The following PFKFB3 variants were observed in gnomAD, a reference collection of about 807,000 sequenced individuals.
PFKFB3 encodes the protein 6-phosphofructo-2-kinase/fructose-2,6-bisphosphatase 3.
PFKFB3 carries 33 observed loss-of-function variants against 68.0 expected under a neutral mutation model. The ratio of observed to expected loss-of-function variants is 0.49; its 90% CI spans 0.37 to 0.65. The LOEUF is 0.65. Ranked by LOEUF, PFKFB3 falls within the 30% of genes least tolerant of loss-of-function variation. The probability of loss-of-function intolerance (pLI) is 0.00; values close to 1 mark genes in which losing one functional copy is unlikely to be tolerated. For synonymous variants in PFKFB3, 315 were observed against 288.2 expected (o/e 1.09, Z -0.94); for missense variants, 586 against 712.2 (o/e 0.82, Z 2.02).
upstream of PFKFB3, chr10:6,202,827 G>T (rs1843418952): frequency 1.0e-6 from 1 of 967,508 alleles, no homozygotes; most frequent in Non-Finnish European, 1.2e-6. Context: ...TCCTCCCCAC[G>T]TGGAAGGGGG....
At chr10:6,251,118 A>G (rs1328111048) in intron 14 of PFKFB3, among the ~76,000 whole-genome samples, 1 of 152,258 alleles carries the variant, frequency 6.6e-6, no homozygotes, top group Non-Finnish European at 1.5e-5. Flanking sequence ...AAAACCCAAA[A>G]TATATTTTCC....
chr10:6,220,088 TTTAC>T lies in PFKFB3; in HGVS notation c.623+406_623+409del, dbSNP rs201147546. ...TTCTTTCCATTTATTTATTTATTTA[TTTAC>T]TTACTTACTTGCTTGCCTGCTTGCT... On this transcript the variant is annotated intron_variant, in intron 7 of 14. Transcript: ENST00000379775. The surrounding 1 kb of genome is among the most constrained non-coding windows in gnomAD (Gnocchi z 4.1). Among the ~76,000 whole-genome samples, 4,145 of 152,104 alleles carry T rather than the reference TTTAC, an allele frequency of 0.027. 158 individuals are homozygous for T. Among genetic ancestry groups the T allele is most frequent in the African/African-American group, 0.084 (3,482 of 41,402 alleles).
Position 6,216,206 on chromosome 10 carries a change from T to G in PFKFB3, c.366+15T>G. ...GACAAATTGCGGTAAGTCCAGGCAA[T>G]GTAGCCGGCTCGGTGTCCAGTCCCA... On this transcript the variant is annotated intron_variant, in intron 4 of 14. Coordinates refer to ENST00000379775, the MANE Select transcript of PFKFB3 (RefSeq NM_004566.4). 1 of 1,612,998 alleles carries G rather than the reference T, an allele frequency of 6.2e-7. No individual in the cohort carries two copies. Among genetic ancestry groups the G allele is most frequent in the Non-Finnish European group, 8.5e-7 (1 of 1,179,016 alleles).
the PFKFB3 span, among the ~76,000 whole-genome samples, chr10:6,287,028 C>A: frequency 6.6e-6 from 1 of 152,164 alleles, no homozygotes; most frequent in Non-Finnish European, 1.5e-5. Context: ...AATGATGTTT[C>A]AGTCAATGAT....
At chr10:6,208,917 C>T (rs1403874952) in intron 1 of PFKFB3, among the ~76,000 whole-genome samples, 1 of 152,174 alleles carries the variant, frequency 6.6e-6, no homozygotes, top group Non-Finnish European at 1.5e-5. Context: ...TGTATGTTTG[C>T]CTGCAGGGAA....
rs933076233 is a variant in PFKFB3, at chr10:6,206,978, C to G, written c.76+3642C>G. On this transcript the variant is annotated intron_variant, in intron 1 of 14. Coordinates refer to ENST00000379775, the MANE Select transcript of PFKFB3 (RefSeq NM_004566.4). ...ACTGGGCAGCCAGGCAGAGGGGCTC[C>G]TCACATCCCAGACGATGGGTGGCCA... Among the ~76,000 whole-genome samples the G allele has an allele frequency of 2.0e-5, 3 of 149,172 alleles. 1 individual carries two copies. Among genetic ancestry groups the G allele is most frequent in the Non-Finnish European group, 4.5e-5 (3 of 67,368 alleles).
chr10:6,242,617 T>A (rs1187233217), intron 14 of PFKFB3, among the ~76,000 whole-genome samples: 1 of 151,494 alleles, frequency 6.6e-6, no homozygotes, highest in Non-Finnish European at 1.5e-5. Flanking sequence ...AGACGGAGTC[T>A]CGCTCTGTTG....
the PFKFB3 span, among the ~76,000 whole-genome samples, chr10:6,300,291 TGA>T: frequency 6.6e-6 from 1 of 152,176 alleles, no homozygotes. Flanking sequence ...CTCTTCAAAG[TGA>T]GACTGTGTCT....
At chr10:6,158,337 G>C (rs1033887733) in intron 1 of PFKFB3, among the ~76,000 whole-genome samples, 1 of 152,052 alleles carries the variant, frequency 6.6e-6, no homozygotes, top group African/African-American at 2.4e-5. Flanking sequence ...GTCAGGCAGT[G>C]TGTAACAAAA....
At chr10:6,244,290 C>A (rs1389179376) in intron 14 of PFKFB3, among the ~76,000 whole-genome samples, 1 of 152,182 alleles carries the variant, frequency 6.6e-6, no homozygotes, top group African/African-American at 2.4e-5. Flanking sequence ...CAGGGAAACA[C>A]GAAGTGAAGG....
chr10:6,311,860 T>C, the PFKFB3 span, among the ~76,000 whole-genome samples: 1 of 152,234 alleles, frequency 6.6e-6, no homozygotes, highest in East Asian at 1.9e-4. Flanking sequence ...AGGCATTCCC[T>C]GAGCTGGGAA....
rs531630430 is a variant in PFKFB3 at position 6,228,910 on chromosome 10, C to T, written c.1515+2545C>T. 6.6e-6 allele frequency among the ~76,000 whole-genome samples: 1 copy of T among 152,302 alleles called. No individual in the cohort carries two copies. The highest frequency in any genetic ancestry group is 2.1e-4 in the South Asian group (1 of 4,828). On this transcript the variant is annotated intron_variant, in intron 14 of 14. Transcript: ENST00000379775. This position sits in a 1 kb window ranked among gnomAD's most constrained non-coding sequence, Gnocchi z 4.5. ...GCTCTCTGCAGAGTTTCAGGTTCAG[C>T]CTTAGCTCTGGCAGCCACTGGGTAG...
chr10:6,285,587 T>A, the PFKFB3 span, among the ~76,000 whole-genome samples: 9 of 152,198 alleles, frequency 5.9e-5, no homozygotes, highest in Non-Finnish European at 1.2e-4. Context: ...AGATCTACCC[T>A]CTTATCAGAT....
At chr10:6,244,248 C>T (rs995232944) in intron 14 of PFKFB3, among the ~76,000 whole-genome samples, 2 of 152,184 alleles carry the variant, frequency 1.3e-5, no homozygotes, top group East Asian at 1.9e-4. Context: ...GACATCAACT[C>T]GCTTGTTAGG....
intron 1 of PFKFB3, among the ~76,000 whole-genome samples, chr10:6,206,991 C>T (rs1467577322): frequency 4.1e-5 from 6 of 148,120 alleles, no homozygotes; most frequent in East Asian, 2.0e-4. Context: ...ACATCCCAGA[C>T]GATGGGTGGC....
the PFKFB3 span, among the ~76,000 whole-genome samples, chr10:6,279,087 G>C: frequency 6.6e-6 from 1 of 152,184 alleles, no homozygotes; most frequent in African/African-American, 2.4e-5. Flanking sequence ...ACTATGAATA[G>C]ATCATTGATG....
In PFKFB3 at chr10:6,228,342, G is replaced by A. The variant is rs1269018629; in HGVS notation, c.1515+1977G>A. The stretch of plus-strand genomic sequence containing the variant: ...TTGTGATGTGAGGTCTTCCGTGGGG[G>A]AAGGAGGAGATGGGCGTAGGAGTAG... On this transcript the variant is annotated intron_variant, in intron 14 of 14. Coordinates refer to ENST00000379775, the MANE Select transcript of PFKFB3 (RefSeq NM_004566.4). The surrounding 1 kb of genome is among the most constrained non-coding windows in gnomAD (Gnocchi z 4.5). 2.8e-6 allele frequency: 3 copies of A among 1,056,994 alleles called. No homozygotes were observed. The Admixed American group carries it at 5.3e-5, about 19-fold the overall frequency. The allele number at this position is 1,056,994 out of a possible 1,614,324, so 65.5% of individuals were successfully genotyped here.
rs1263874206 is a variant in PFKFB3 at position 6,234,501 on chromosome 10, A to C, written c.*1559A>C. 1 of 152,098 alleles carries C rather than the reference A, an allele frequency of 6.6e-6. No individual in the cohort carries two copies. The highest frequency in any genetic ancestry group is 1.5e-5 in the Non-Finnish European group (1 of 68,028). 9.4% of individuals were successfully genotyped at this position (152,098 alleles called of 1,614,324 possible). A position where few individuals can be genotyped will look rare whatever the true frequency, so the allele number is the denominator to read the frequency against. On this transcript the variant is annotated 3_prime_UTR_variant, in exon 15 of 15. Coordinates refer to ENST00000379775, the MANE Select transcript of PFKFB3 (RefSeq NM_004566.4). ...ATCAAGTGGGGGATTTTCATGCTGA[A>C]CCATTCAAGCCCTCCCCGCCCGTTG...
At chr10:6,184,622 C>T (rs1201686225) in intron 1 of PFKFB3, among the ~76,000 whole-genome samples, 1 of 151,986 alleles carries the variant, frequency 6.6e-6, no homozygotes, top group African/African-American at 2.4e-5. Context: ...AGGCTCCCAC[C>T]ACTGTGCCTG....
Sources: allele counts gnomAD v4.1 joint callset (sites outside exome capture counted in the v4.1 genomes callset), GRCh38; gene constraint gnomAD v4.1.1; non-coding constraint Gnocchi (gnomAD v3.1); transcripts MANE v1.5; gene names NCBI Gene and HGNC (gene_info 2026-07-23, HGNC 2026-07-21).